Variants in SLC26A7 observed in about 807,000 individuals in gnomAD.
The protein encoded by SLC26A7 is solute carrier family 26 member 7.
Under a neutral mutation model 82.5 loss-of-function variants are expected in SLC26A7, and 59 were observed. That is an observed-to-expected ratio of 0.72 (90% CI 0.58 to 0.89). The LOEUF (loss-of-function observed/expected upper bound fraction) is 0.89, where lower values mean the gene tolerates loss of function less well. Ranked by LOEUF, SLC26A7 falls within the 40% of genes least tolerant of loss-of-function variation. SLC26A7 has a pLI of 0.00. For missense variants in SLC26A7, 820 were observed against 793.0 expected, an observed-to-expected ratio of 1.03 and a Z score of -0.41; for synonymous variants, 271 against 274.3, an observed-to-expected ratio of 0.99 and a Z score of 0.12.
chr8:91,280,122 A>G (rs186765002), intron 2 of SLC26A7, among the ~76,000 whole-genome samples: 293 of 152,134 alleles, frequency 1.9e-3, no homozygotes, highest in African/African-American at 6.4e-3. Flanking sequence ...CCATTAGTCT[A>G]TTTTTTCTTT....
At chr8:91,274,451 A>G (rs1401355554) in intron 2 of SLC26A7, among the ~76,000 whole-genome samples, 7 of 150,952 alleles carry the variant, frequency 4.6e-5, no homozygotes, top group Non-Finnish European at 8.9e-5. Context: ...TGGTAGACAG[A>G]GAGAGAGAGA....
intron 2 of SLC26A7, among the ~76,000 whole-genome samples, chr8:91,241,656 T>C (rs1810475506): frequency 6.6e-6 from 1 of 152,146 alleles, no homozygotes; most frequent in Admixed American, 6.5e-5. Flanking sequence ...GTTGTTTGGT[T>C]ATTTTTGAAC....
intron 18 of SLC26A7, 132 bp from the exon 19 acceptor site, chr8:91,394,930 A>G: frequency 9.4e-7 from 1 of 1,067,138 alleles, no homozygotes; most frequent in African/African-American, 1.6e-5. Flanking sequence ...CTCTACTCTG[A>G]TGCCTCATAA....
At chr8:91,341,117 C>T (rs1813399112) in intron 8 of SLC26A7, among the ~76,000 whole-genome samples, 1 of 151,954 alleles carries the variant, frequency 6.6e-6, no homozygotes, top group African/African-American at 2.4e-5. Context: ...AGGTATATCT[C>T]CCAATGCTAT....
At chr8:91,297,423 G>T (rs1812046205) in intron 4 of SLC26A7, among the ~76,000 whole-genome samples, 1 of 151,766 alleles carries the variant, frequency 6.6e-6, no homozygotes, top group African/African-American at 2.4e-5. Flanking sequence ...AAAAATATAT[G>T]TCTCATTTCC....
intron 2 of SLC26A7, among the ~76,000 whole-genome samples, chr8:91,287,091 A>C (rs1357613826): frequency 6.6e-6 from 1 of 152,222 alleles, no homozygotes; most frequent in Admixed American, 6.5e-5. Context: ...GTAAAATTTC[A>C]ATATCAGTGT....
At chr8:91,233,698 A>T (rs1196765237) in intron 2 of SLC26A7, among the ~76,000 whole-genome samples, 3 of 152,246 alleles carry the variant, frequency 2.0e-5, no homozygotes, top group Non-Finnish European at 4.4e-5. Flanking sequence ...GCCCCAAGCA[A>T]CTTGTCCCAA....
intron 1 of SLC26A7, among the ~76,000 whole-genome samples, chr8:91,217,634 A>G (rs772545029): frequency 1.3e-5 from 2 of 152,040 alleles, no homozygotes; most frequent in Non-Finnish European, 2.9e-5. Flanking sequence ...GGAGTGAGAA[A>G]AGTTGCTCTC....
chr8:91,347,949 C>T (rs1173329417), intron 9 of SLC26A7, among the ~76,000 whole-genome samples: 1 of 152,190 alleles, frequency 6.6e-6, no homozygotes, highest in South Asian at 2.1e-4. Flanking sequence ...AGCTCAGTGT[C>T]CCCTGGCTTT....
intron 5 of SLC26A7, among the ~76,000 whole-genome samples, chr8:91,319,799 A>G (rs1432213256): frequency 6.6e-6 from 1 of 152,302 alleles, no homozygotes; most frequent in South Asian, 2.1e-4. Flanking sequence ...ATGACTGTCC[A>G]TTACCACTTG....
At chr8:91,340,600 G>A (rs1813380264) in intron 8 of SLC26A7, 49 bp downstream of exon 8, 17 of 1,604,450 alleles carry the variant, frequency 1.1e-5, no homozygotes, top group Non-Finnish European at 1.2e-5. Context: ...TCATTGCACT[G>A]TGCACTCCCA....
intron 2 of SLC26A7, among the ~76,000 whole-genome samples, chr8:91,258,787 T>C (rs1310600206): frequency 6.6e-6 from 1 of 152,116 alleles, no homozygotes; most frequent in African/African-American, 2.4e-5. Context: ...CCTGAGCCCG[T>C]GCTTCTACCT....
At chr8:91,344,013 GAT>G (rs1813491993) in intron 9 of SLC26A7, 2 of 969,362 alleles carry the variant, frequency 2.1e-6, no homozygotes, top group Admixed American at 1.2e-4. Flanking sequence ...CTGGTAAGAT[GAT>G]GATGATGATG....
At chr8:91,267,360 A>G (rs66570446) in intron 2 of SLC26A7, among the ~76,000 whole-genome samples, 16,828 of 151,946 alleles carry the variant, frequency 0.11, 1,123 homozygotes, top group Middle Eastern at 0.21. Flanking sequence ...AATGTTCGAT[A>G]GAATTCAGCA....
chr8:91,380,396 C>A (rs1490045338), intron 15 of SLC26A7, among the ~76,000 whole-genome samples: 1 of 152,028 alleles, frequency 6.6e-6, no homozygotes, highest in East Asian at 1.9e-4. Context: ...TAATTTTATA[C>A]AATATTTTAA....
rs779353528 is a variant in SLC26A7 at position 91,249,861 on chromosome 8, G to C, written c.193+17G>C. The C allele has an allele frequency of 2.5e-6, 4 of 1,581,244 alleles. No individual in the cohort carries two copies. The highest frequency in any genetic ancestry group is 1.7e-4 in the Middle Eastern group (1 of 5,912). ...TGACCCAAGGTAATGTATTGCATTT[G>C]AGTTTCCTGTATTATGCAGAGTAGA... On this transcript the variant is annotated intron_variant, in intron 2 of 18. Coordinates refer to ENST00000276609, the MANE Select transcript of SLC26A7 (RefSeq NM_052832.4).
At chr8:91,262,408 G>A (rs1165804408) in intron 2 of SLC26A7, among the ~76,000 whole-genome samples, 1 of 152,050 alleles carries the variant, frequency 6.6e-6, no homozygotes, top group African/African-American at 2.4e-5. Context: ...GAAGCCAACA[G>A]CAATGATAGA....
At chr8:91,375,781 C>A (rs1586468870) in intron 15 of SLC26A7, among the ~76,000 whole-genome samples, 1 of 151,592 alleles carries the variant, frequency 6.6e-6, no homozygotes. Context: ...AATTACCTCA[C>A]ATGCAAGATA....
intron 15 of SLC26A7, among the ~76,000 whole-genome samples, chr8:91,384,492 T>C (rs1814745550): frequency 6.6e-6 from 1 of 152,178 alleles, no homozygotes; most frequent in African/African-American, 2.4e-5. Flanking sequence ...GTAAGCAACA[T>C]ATTCGCAGTT....
Sources: gnomAD v4.1 joint callset for allele counts (sites outside exome capture counted in the v4.1 genomes callset) on GRCh38, gnomAD v4.1.1 for gene constraint, MANE v1.5 for transcripts, NCBI Gene and HGNC (gene_info 2026-07-23, HGNC 2026-07-21) for gene names.